NEMF: variants seen among roughly 807,000 people sequenced by gnomAD.
The protein encoded by NEMF is nuclear export mediator factor.
Under a neutral mutation model 162.2 loss-of-function variants are expected in NEMF, and 89 were observed. The ratio of observed to expected loss-of-function variants is 0.55; its 90% CI spans 0.46 to 0.65. NEMF has a LOEUF of 0.65. Ranked by LOEUF, NEMF falls within the 30% of genes least tolerant of loss-of-function variation. The pLI, the probability that NEMF is intolerant of heterozygous loss-of-function variation, is 0.00. For synonymous variants in NEMF, 421 were observed against 404.5 expected (o/e 1.04, Z -0.49); for missense variants, 1,133 against 1,261.9 (o/e 0.90, Z 1.55).
chr14:49,804,993 A>G (rs1891122830), intron 19 of NEMF, among the ~76,000 whole-genome samples: 2 of 152,224 alleles, frequency 1.3e-5, no homozygotes, highest in South Asian at 2.1e-4. Context: ...TTGCACCACT[A>G]CACTCCAGCC....
intron 26 of NEMF, among the ~76,000 whole-genome samples, chr14:49,794,363 T>C (rs1890588486): frequency 6.6e-6 from 1 of 152,156 alleles, no homozygotes; most frequent in South Asian, 2.1e-4. Flanking sequence ...CTTCCCTTCC[T>C]TATGCACATG....
intron 16 of NEMF, among the ~76,000 whole-genome samples, chr14:49,819,457 C>G (rs1168646224): frequency 6.6e-6 from 1 of 151,628 alleles, no homozygotes; most frequent in Non-Finnish European, 1.5e-5. Context: ...CTCTGTTGCC[C>G]AGGCTGGAGT....
In NEMF at chr14:49,782,846, G is replaced by A; in HGVS notation, c.*1790C>T. ...CACTTTCAGGCTAAGCTTAGAAGCAGTCATTTGCTTTAAAGAAATGTTAGC... is the reference window on the plus strand; with the variant it reads ...CACTTTCAGGCTAAGCTTAGAAGCAATCATTTGCTTTAAAGAAATGTTAGC... On this transcript the variant is annotated 3_prime_UTR_variant, in exon 33 of 33. Transcript: ENST00000298310. 1.9e-6 allele frequency: 3 copies of A among 1,613,696 alleles called. No homozygotes were observed. The highest frequency in any genetic ancestry group is 2.2e-5 in the South Asian group (2 of 91,030).
intron 5 of NEMF, chr14:49,839,709 A>C (rs1200401648): frequency 6.6e-6 from 1 of 152,230 alleles, no homozygotes; most frequent in African/African-American, 2.4e-5. Flanking sequence ...CCCAAAACTT[A>C]GCTAAAAAAC....
At chr14:49,789,728 A>G (rs1890353357) in intron 26 of NEMF, among the ~76,000 whole-genome samples, 155 bp from the exon 27 acceptor site, 1 of 152,258 alleles carries the variant, frequency 6.6e-6, no homozygotes, top group Non-Finnish European at 1.5e-5. Context: ...ACAAAGTTGG[A>G]TAACTGAAGT....
chr14:49,807,353 C>T (rs1177035002), intron 18 of NEMF, among the ~76,000 whole-genome samples: 15 of 152,146 alleles, frequency 9.9e-5, no homozygotes, highest in African/African-American at 3.1e-4. Flanking sequence ...TATCTGCAAA[C>T]AAGTTTTGTG....
At chr14:49,828,542 T>G (rs2139963662) in intron 14 of NEMF, 74 bp downstream of exon 14, 2 of 1,298,542 alleles carry the variant, frequency 1.5e-6, no homozygotes, top group East Asian at 4.8e-5. Flanking sequence ...AATTTAAAAT[T>G]TTTTAAAATG....
intron 18 of NEMF, among the ~76,000 whole-genome samples, chr14:49,808,862 G>A (rs997486641): frequency 6.6e-6 from 1 of 151,710 alleles, no homozygotes; most frequent in Non-Finnish European, 1.5e-5. Context: ...TTAACAAATG[G>A]GCCAAAGACT....
intron 29 of NEMF, chr14:49,786,035 T>C (rs1890162862): frequency 1.3e-5 from 2 of 152,544 alleles, no homozygotes. Context: ...TATACCACTA[T>C]TTCTCGTCCT....
chr14:49,832,079 G>A lies in NEMF; in HGVS notation c.854C>T (p.Pro285Leu), dbSNP rs1202591815. The change falls in exon 10 of 33, where the codon CCA becomes CTA. Residue 285 changes from proline (P) to leucine (L), a missense_variant. Pro to Leu is a moderately conservative substitution (Grantham distance 98). Around this residue, in one of 3 missense-constraint regions of NEMF, gnomAD observed 582 missense variants for 631.5 expected, o/e 0.92. Coordinates refer to ENST00000298310, the MANE Select transcript of NEMF (RefSeq NM_004713.6). ...GTCAAATGATTCAAATTCTATATATGGACATTGTGAATGTTGAGAAAACAA... is the reference window on the plus strand; with the variant it reads ...GTCAAATGATTCAAATTCTATATATAGACATTGTGAATGTTGAGAAAACAA... Reference protein sequence around the residue: ...PFLFSQHSQCPYIEFESFDKA... With the variant: ...PFLFSQHSQCLYIEFESFDKA... The A allele has an allele frequency of 2.5e-6, 4 of 1,606,652 alleles. No individual in the cohort carries two copies. The highest frequency in any genetic ancestry group is 2.5e-6 in the Non-Finnish European group (3 of 1,177,488).
At chr14:49,840,944 C>T in intron 4 of NEMF, 78 bp from the exon 5 acceptor site, 3 of 1,309,324 alleles carry the variant, frequency 2.3e-6, no homozygotes, top group African/African-American at 1.5e-5. Context: ...CACCTGTAAC[C>T]CCAGCACTGT....
At chr14:49,787,832 T>G (rs906209851) in intron 28 of NEMF, among the ~76,000 whole-genome samples, 44 of 152,016 alleles carry the variant, frequency 2.9e-4, no homozygotes, top group African/African-American at 1.0e-3. Context: ...CAACAACTGT[T>G]CAGCAGGAAA....
chr14:49,807,138 C>T (rs779206968), intron 18 of NEMF, among the ~76,000 whole-genome samples: 1 of 152,190 alleles, frequency 6.6e-6, no homozygotes. Flanking sequence ...TGTAATCATA[C>T]ACAGCATTTT....
intron 3 of NEMF, among the ~76,000 whole-genome samples, chr14:49,846,701 G>A (rs1431818134): frequency 1.3e-5 from 2 of 152,236 alleles, no homozygotes; most frequent in Non-Finnish European, 2.9e-5. Context: ...CTGGGCACAA[G>A]CAATCCTCCT....
Position 49,851,866 on chromosome 14 carries a change from T to G in NEMF, c.69A>C (p.Gly23=). 1 of 1,578,550 alleles carries G rather than the reference T, an allele frequency of 6.3e-7. No individual in the cohort carries two copies. ...VLAELNASLL[G]MRVNNVYDVD... is the part of the protein sequence containing the mutation. ...CATCATAAACATTGTTTACTCTCAT[T>G]CCTAGCAAGCTGCAAAGATAAAGGA... The change falls in exon 2 of 33, where the codon GGA becomes GGC. Residue 23 remains glycine, a synonymous_variant. Coordinates refer to ENST00000298310, the MANE Select transcript of NEMF (RefSeq NM_004713.6).
At chr14:49,815,021 C>G (rs188187562) in intron 16 of NEMF, among the ~76,000 whole-genome samples, 164 bp from the exon 17 acceptor site, 7 of 152,108 alleles carry the variant, frequency 4.6e-5, no homozygotes, top group Admixed American at 4.6e-4. Context: ...TACAAATTGC[C>G]CTAGGATATT....
chr14:49,851,925 T>C (rs1893797465), intron 1 of NEMF, 50 bp from the exon 2 acceptor site: 1 of 1,096,030 alleles, frequency 9.1e-7, no homozygotes, highest in Non-Finnish European at 1.3e-6. Context: ...GTCTGAAACA[T>C]AAAACTACAC....
rs1240400133 is a variant in NEMF, at chr14:49,784,524, T to C, written c.*112A>G. On this transcript the variant is annotated 3_prime_UTR_variant, in exon 33 of 33. Coordinates refer to ENST00000298310, the MANE Select transcript of NEMF (RefSeq NM_004713.6). The stretch of plus-strand genomic sequence containing the variant: ...CCTTTTGGTGAATATAGCAAGGCAA[T>C]GTTTAGTTCATTTTTATAATGCGGA... 3 of 715,898 alleles carry C rather than the reference T, an allele frequency of 4.2e-6. No individual in the cohort carries two copies. The highest frequency in any genetic ancestry group is 3.6e-5 in the African/African-American group (2 of 56,206). 44.3% of individuals were successfully genotyped at this position (715,898 alleles called of 1,614,324 possible).
At chr14:49,843,892 A>G (rs1893337928) in intron 4 of NEMF, among the ~76,000 whole-genome samples, 1 of 152,208 alleles carries the variant, frequency 6.6e-6, no homozygotes, top group Non-Finnish European at 1.5e-5. Flanking sequence ...TGAGGTCAGG[A>G]GTTTGAGAAC....
Sources: allele counts gnomAD v4.1 joint callset (sites outside exome capture counted in the v4.1 genomes callset), GRCh38; gene constraint gnomAD v4.1.1; regional missense constraint gnomAD v4.1.1; transcripts MANE v1.5; gene names NCBI Gene and HGNC (gene_info 2026-07-23, HGNC 2026-07-21).